The following SMYD3 variants were observed in gnomAD, a reference collection of about 807,000 sequenced individuals.
SMYD3 encodes the protein SET and MYND domain containing 3, also known as histone-lysine N-methyltransferase SMYD3.
SMYD3 carries 36 observed loss-of-function variants against 57.7 expected under a neutral mutation model. The ratio of observed to expected loss-of-function variants is 0.62; its 90% confidence interval spans 0.48 to 0.82. The LOEUF is 0.82. SMYD3 is among the 40% of genes least tolerant of loss of function. The pLI, the probability that SMYD3 is intolerant of heterozygous loss-of-function variation, is 0.00. For missense variants in SMYD3, 515 were observed against 538.8 expected (o/e 0.96, Z 0.44); for synonymous variants, 211 against 195.0 (o/e 1.08, Z -0.68).
intron 1 of SMYD3, among the ~76,000 whole-genome samples, chr1:246,475,182 A>C (rs1232751876): frequency 6.6e-6 from 1 of 152,000 alleles, no homozygotes; most frequent in Non-Finnish European, 1.5e-5. Flanking sequence ...AACACAAAAA[A>C]TTAGCCAGGC....
chr1:245,881,578 A>T (rs2148550304), intron 8 of SMYD3, among the ~76,000 whole-genome samples: 1 of 152,324 alleles, frequency 6.6e-6, no homozygotes, highest in East Asian at 1.9e-4. Flanking sequence ...GCGCAACACA[A>T]ATTTATTAGG....
chr1:246,310,885 G>A (rs2065065726), intron 5 of SMYD3, among the ~76,000 whole-genome samples: 1 of 151,888 alleles, frequency 6.6e-6, no homozygotes, highest in Admixed American at 6.6e-5. Flanking sequence ...GGCCAGGCTG[G>A]TCTCGAACTC....
In SMYD3 at chr1:245,777,624, C is replaced by T. The variant is rs531757061; in HGVS notation, c.1077-13475G>A. On this transcript the variant is annotated intron_variant, in intron 10 of 11. Coordinates refer to ENST00000490107, the MANE Select transcript of SMYD3 (RefSeq NM_001167740.2). The stretch of plus-strand genomic sequence containing the variant: ...TAAAAATCAGAGGAGATTTGAGGAC[C>T]TTAAATGTATCTTCTCACACACAAG... 2.0e-5 allele frequency among the ~76,000 whole-genome samples: 3 copies of T among 152,174 alleles called. No homozygotes were observed. The South Asian group carries it at 6.2e-4, about 32-fold the overall frequency.
intron 5 of SMYD3, among the ~76,000 whole-genome samples, chr1:246,087,214 A>G (rs2060736231): frequency 6.6e-6 from 1 of 152,200 alleles, no homozygotes; most frequent in Non-Finnish European, 1.5e-5. Flanking sequence ...TTATAGCTAC[A>G]AACCCATGAG....
chr1:246,306,878 G>A (rs2148624344), intron 5 of SMYD3, among the ~76,000 whole-genome samples: 1 of 152,206 alleles, frequency 6.6e-6, no homozygotes, highest in East Asian at 1.9e-4. Context: ...TTCCTGGTGA[G>A]ATACAGTACT....
In SMYD3 at chr1:246,081,578, G is replaced by A. The variant is rs111728029; in HGVS notation, c.532-151641C>T. ...TGGCTAATTTGTTGCATTTTTAGTAGAGACAAAGTTTCGCCATGTTGGCCA... is the reference window on the plus strand; with the variant it reads ...TGGCTAATTTGTTGCATTTTTAGTAAAGACAAAGTTTCGCCATGTTGGCCA... On this transcript the variant is annotated intron_variant, in intron 5 of 11. Transcript: ENST00000490107. 2.0e-3 allele frequency among the ~76,000 whole-genome samples: 308 copies of A among 152,234 alleles called. 4 individuals carry two copies. Among genetic ancestry groups the A allele is most frequent in the African/African-American group, 7.3e-3 (303 of 41,534 alleles).
chr1:245,858,948 T>C (rs535653331), intron 9 of SMYD3, among the ~76,000 whole-genome samples: 6 of 152,226 alleles, frequency 3.9e-5, no homozygotes, highest in Non-Finnish European at 5.9e-5. Context: ...TTCATACTCC[T>C]AGATGTGTTC....
chr1:245,777,409 A>AT (rs934998351), intron 10 of SMYD3, among the ~76,000 whole-genome samples: 24 of 152,278 alleles, frequency 1.6e-4, no homozygotes, highest in African/African-American at 5.5e-4. Context: ...AGAAGTGTTT[A>AT]TTTTTTTAAA....
At chr1:246,402,381 T>TTTTTTTTTTTTTTTTTTTTTTTTTTTTG (rs1239559421) in intron 1 of SMYD3, among the ~76,000 whole-genome samples, 2 of 151,502 alleles carry the variant, frequency 1.3e-5, no homozygotes, top group Admixed American at 6.6e-5. Context: ...AACGCCATCT[T>TTTTTTTTTTTTTTTTTTTTTTTTTTTTG]AAAGATGATC....
intron 1 of SMYD3, among the ~76,000 whole-genome samples, chr1:246,438,831 T>C (rs140296772): frequency 0.022 from 3,322 of 151,412 alleles, 80 homozygotes; most frequent in African/African-American, 0.06. Flanking sequence ...AGATCTAGTG[T>C]GCAACCTAGA....
chr1:246,049,843 C>A (rs1447148392), intron 5 of SMYD3, among the ~76,000 whole-genome samples: 3 of 152,152 alleles, frequency 2.0e-5, no homozygotes, highest in African/African-American at 4.8e-5. Context: ...AAGGAAGAAG[C>A]ACTGCATAAC....
intron 5 of SMYD3, among the ~76,000 whole-genome samples, chr1:246,049,044 T>C (rs1206656507): frequency 6.6e-6 from 1 of 152,076 alleles, no homozygotes; most frequent in Non-Finnish European, 1.5e-5. Context: ...ATAGCAGGCA[T>C]GCAGCATTAT....
At chr1:246,222,042 G>A (rs926634008) in intron 5 of SMYD3, among the ~76,000 whole-genome samples, 1 of 152,082 alleles carries the variant, frequency 6.6e-6, no homozygotes, top group African/African-American at 2.4e-5. Context: ...TGAACAGATG[G>A]GCAGTTTTTC....
intron 5 of SMYD3, among the ~76,000 whole-genome samples, chr1:245,947,152 T>C (rs936349063): frequency 6.6e-6 from 1 of 152,114 alleles, no homozygotes; most frequent in Non-Finnish European, 1.5e-5. Context: ...GCCTTTGAAT[T>C]TTCCACTCTC....
chr1:246,461,791 C>T (rs2067801929), intron 1 of SMYD3, among the ~76,000 whole-genome samples: 1 of 151,222 alleles, frequency 6.6e-6, no homozygotes, highest in African/African-American at 2.4e-5. Context: ...TTTGTTTTCT[C>T]AGACACAGGA....
chr1:246,305,615 T>G (rs534355930), intron 5 of SMYD3, among the ~76,000 whole-genome samples: 1 of 152,180 alleles, frequency 6.6e-6, no homozygotes, highest in Non-Finnish European at 1.5e-5. Context: ...TTGAAGAAGA[T>G]TATTTGAAAT....
intron 5 of SMYD3, among the ~76,000 whole-genome samples, chr1:246,153,616 GC>G (rs1313614322): frequency 6.6e-6 from 1 of 151,992 alleles, no homozygotes; most frequent in East Asian, 1.9e-4. Flanking sequence ...ACCATGCCTG[GC>G]TAATTACTTT....
At chr1:246,152,230 A>T (rs1335849838) in intron 5 of SMYD3, among the ~76,000 whole-genome samples, 1 of 152,198 alleles carries the variant, frequency 6.6e-6, no homozygotes, top group Non-Finnish European at 1.5e-5. Flanking sequence ...AGCCTGGGAC[A>T]CCTGGCGTCT....
intron 1 of SMYD3, among the ~76,000 whole-genome samples, chr1:246,439,844 G>A (rs1377999354): frequency 6.6e-6 from 1 of 152,114 alleles, no homozygotes; most frequent in Non-Finnish European, 1.5e-5. Context: ...CAGCTACCAG[G>A]GAGGATGGGA....
Sources: gnomAD v4.1 joint callset for allele counts (sites outside exome capture counted in the v4.1 genomes callset) on GRCh38, gnomAD v4.1.1 for gene constraint, MANE v1.5 for transcripts, NCBI Gene and HGNC (gene_info 2026-07-23, HGNC 2026-07-21) for gene names.